Variants in CACNA2D2 observed in about 807,000 individuals in gnomAD.
The protein encoded by CACNA2D2 is voltage-dependent calcium channel subunit alpha-2/delta-2.
CACNA2D2 carries 48 observed loss-of-function variants against 166.4 expected under a neutral mutation model. That is an observed-to-expected ratio of 0.29 (90% CI 0.23 to 0.37). The LOEUF (loss-of-function observed/expected upper bound fraction) is 0.37. Among genes scored for constraint, CACNA2D2 ranks in the 10% least tolerant of loss-of-function variants. The probability of loss-of-function intolerance (pLI) is 1.00; values close to 1 mark genes in which losing one functional copy is unlikely to be tolerated. For synonymous variants in CACNA2D2, 561 were observed against 573.7 expected (o/e 0.98, Z 0.32); for missense variants, 1,122 against 1,433.0 (o/e 0.78, Z 3.50).
intron 3 of CACNA2D2, among the ~76,000 whole-genome samples, chr3:50,397,619 C>T (rs1043849645): frequency 1.1e-4 from 17 of 152,216 alleles, no homozygotes; most frequent in African/African-American, 4.1e-4. Flanking sequence ...GTAACTGCAC[C>T]CACTCAGGGT....
intron 22 of CACNA2D2, among the ~76,000 whole-genome samples, chr3:50,373,646 G>A (rs1443849130): frequency 1.6e-5 from 2 of 124,270 alleles, no homozygotes; most frequent in Non-Finnish European, 3.5e-5. Context: ...TGGGGAGAGC[G>A]GGAGGGAGGG....
Position 50,375,645 on chromosome 3 carries a change from T to C in CACNA2D2, c.1906A>G (p.Ser636Gly). Residue 636 changes from serine to glycine, a missense_variant and splice_region_variant, in exon 21 of 38, where the codon AGC (serine) becomes GGC (glycine). Transcript: ENST00000424201. This position sits in a 1 kb window ranked among gnomAD's most constrained non-coding sequence, Gnocchi z 4.0. ...TWVPIRSTNY[S>G]LGLVLPPYST... ...CCGCCCAGCCCTGGCCTCACTTACCTGTAGTTAGTGCTCCTTATAGGCACC... is the reference window on the plus strand; with the variant it reads ...CCGCCCAGCCCTGGCCTCACTTACCCGTAGTTAGTGCTCCTTATAGGCACC... The C allele has an allele frequency of 6.3e-7, 1 of 1,597,712 alleles. No homozygotes were observed. Among genetic ancestry groups the C allele is most frequent in the Non-Finnish European group, 8.6e-7 (1 of 1,169,250 alleles).
chr3:50,462,228 C>T (rs1389510444), intron 2 of CACNA2D2, among the ~76,000 whole-genome samples: 1 of 151,746 alleles, frequency 6.6e-6, no homozygotes, highest in Non-Finnish European at 1.5e-5. Flanking sequence ...ATCTCTACTA[C>T]AAATACAAAA....
intron 1 of CACNA2D2, among the ~76,000 whole-genome samples, chr3:50,478,754 T>C (rs62260819): frequency 6.6e-6 from 1 of 152,222 alleles, no homozygotes; most frequent in South Asian, 2.1e-4. Context: ...TCACAAAAGC[T>C]GATTCTGTGC....
intron 2 of CACNA2D2, among the ~76,000 whole-genome samples, chr3:50,445,296 G>C (rs958200985): frequency 6.6e-6 from 1 of 152,216 alleles, no homozygotes; most frequent in Non-Finnish European, 1.5e-5. Context: ...CTCTGAACCA[G>C]GGTCCCAGGA....
chr3:50,371,808 G>C (rs1704668610), intron 22 of CACNA2D2, among the ~76,000 whole-genome samples: 1 of 152,086 alleles, frequency 6.6e-6, no homozygotes. Flanking sequence ...AAGGAGCAGG[G>C]AAGGAGACTA....
intron 1 of CACNA2D2, among the ~76,000 whole-genome samples, chr3:50,497,614 G>A (rs1698776518): frequency 6.6e-6 from 1 of 152,180 alleles, no homozygotes; most frequent in Non-Finnish European, 1.5e-5. Context: ...GGCAGGGCAG[G>A]GCTTGGCTGA....
intron 4 of CACNA2D2, among the ~76,000 whole-genome samples, chr3:50,390,798 AC>A (rs1705850310): frequency 6.6e-6 from 1 of 152,160 alleles, no homozygotes; most frequent in African/African-American, 2.4e-5. Flanking sequence ...GTCTCAGGGA[AC>A]AAGCTGAGGA....
chr3:50,366,031 C>T lies in CACNA2D2; in HGVS notation c.2842G>A (p.Ala948Thr). ...APQPPGNLGA[A>T]PRGVFVPTVA... ...CTCACCACAAAGACACCCCGGGGTG[C>T]AGCACCCAGGTTGCCAGGGGGCTGA... is the stretch of plus-strand genomic sequence containing the variant. The change falls in exon 32 of 38, where the codon GCA becomes ACA. Residue 948 changes from alanine to threonine, a missense_variant. Ala to Thr is a moderately conservative substitution (Grantham distance 58). Coordinates refer to ENST00000424201, the MANE Select transcript of CACNA2D2 (RefSeq NM_006030.4). The surrounding 1 kb of genome is among the most constrained non-coding windows in gnomAD (Gnocchi z 5.9). 6.2e-7 allele frequency: 1 copy of T among 1,612,868 alleles called. No individual in the cohort carries two copies. The highest frequency in any genetic ancestry group is 8.5e-7 in the Non-Finnish European group (1 of 1,179,672).
chr3:50,375,786 G>A lies in CACNA2D2; in HGVS notation c.1845+23C>T. 6.2e-7 allele frequency: 1 copy of A among 1,612,848 alleles called. No homozygotes were observed. Among genetic ancestry groups the A allele is most frequent in the East Asian group, 2.2e-5 (1 of 44,878 alleles). On this transcript the variant is annotated intron_variant, in intron 20 of 37. Coordinates refer to ENST00000424201, the MANE Select transcript of CACNA2D2 (RefSeq NM_006030.4). This position sits in a 1 kb window ranked among gnomAD's most constrained non-coding sequence, Gnocchi z 4.0. Reference sequence around the variant, plus strand: ...AGAAGGGTGCCCACCCTGACTCCCTGGCCCCCAGCCCTGCCTCCTTACCTC... The same window carrying A: ...AGAAGGGTGCCCACCCTGACTCCCTAGCCCCCAGCCCTGCCTCCTTACCTC...
At chr3:50,434,245 A>G (rs1220589366) in intron 3 of CACNA2D2, 68 bp downstream of exon 3, 1 of 1,081,244 alleles carries the variant, frequency 9.2e-7, no homozygotes, top group East Asian at 2.4e-5. Flanking sequence ...CACTGCCCTC[A>G]TGGTACAGGA....
Position 50,406,452 on chromosome 3 carries a change from T to C in CACNA2D2, c.406-12284A>G, listed in dbSNP as rs1706715831. 2.6e-5 allele frequency among the ~76,000 whole-genome samples: 4 copies of C among 151,102 alleles called. No individual in the cohort carries two copies. In the South Asian group the frequency reaches 8.4e-4, roughly 32 times the overall value. ...TCCACAGGGAGCCCCCCATCAGCCC[T>C]ATCACCCCCATCACCCACCATCAAT... On this transcript the variant is annotated intron_variant, in intron 3 of 37. Coordinates refer to ENST00000424201, the MANE Select transcript of CACNA2D2 (RefSeq NM_006030.4).
At chr3:50,384,119 G>T in intron 6 of CACNA2D2, 77 bp downstream of exon 6, 2 of 1,568,492 alleles carry the variant, frequency 1.3e-6, no homozygotes, top group South Asian at 2.3e-5. Flanking sequence ...TGTCCCCAGG[G>T]ACTCTGGAAT....
intron 3 of CACNA2D2, among the ~76,000 whole-genome samples, chr3:50,412,890 G>T (rs1358054182): frequency 6.6e-6 from 1 of 152,224 alleles, no homozygotes; most frequent in Non-Finnish European, 1.5e-5. Context: ...CACCATCTCA[G>T]CCTGGGGGGG....
At chr3:50,447,909 C>T (rs1575701395) in intron 2 of CACNA2D2, among the ~76,000 whole-genome samples, 1 of 152,244 alleles carries the variant, frequency 6.6e-6, no homozygotes, top group African/African-American at 2.4e-5. Flanking sequence ...CTTCTAAGTG[C>T]CCCACAGAGG....
At position 50,376,317 on chromosome 3, in the gene CACNA2D2, C is replaced by T; in HGVS notation, c.1627-129G>A. Reference sequence around the variant, plus strand: ...GTTTGCCTGCCTTGGGCTAAGGGCCCCCCCATGCCACGTGGCCCTAAGCCT... The same window carrying T: ...GTTTGCCTGCCTTGGGCTAAGGGCCTCCCCATGCCACGTGGCCCTAAGCCT... On this transcript the variant is annotated intron_variant, in intron 17 of 37. Coordinates refer to ENST00000424201, the MANE Select transcript of CACNA2D2 (RefSeq NM_006030.4). The surrounding 1 kb of genome is among the most constrained non-coding windows in gnomAD (Gnocchi z 4.3). 1 of 982,008 alleles carries T rather than the reference C, an allele frequency of 1.0e-6. No individual in the cohort carries two copies. The highest frequency in any genetic ancestry group is 1.5e-5 in the South Asian group (1 of 65,926). The allele number at this position is 982,008 out of a possible 1,614,324, so 60.8% of individuals were successfully genotyped here.
chr3:50,401,151 C>T (rs1049666575), intron 3 of CACNA2D2, among the ~76,000 whole-genome samples: 9 of 152,230 alleles, frequency 5.9e-5, no homozygotes, highest in African/African-American at 1.2e-4. Context: ...CAGGGGAAGG[C>T]TGGCATGGGA....
intron 4 of CACNA2D2, 79 bp from the exon 5 acceptor site, chr3:50,387,691 T>C (rs765384267): frequency 3.0e-5 from 34 of 1,115,076 alleles, no homozygotes; most frequent in Non-Finnish European, 4.1e-5. Context: ...AAGGCCTGCA[T>C]GGCACCCTTA....
Position 50,379,316 on chromosome 3 carries a change from A to G in CACNA2D2, c.1152+116T>C. The G allele has an allele frequency of 2.1e-6, 3 of 1,450,966 alleles. No individual in the cohort carries two copies. Among genetic ancestry groups the G allele is most frequent in the Non-Finnish European group, 2.9e-6 (3 of 1,045,718 alleles). 89.9% of individuals were successfully genotyped at this position (1,450,966 alleles called of 1,614,324 possible). ...CTCCTCCCCCACAGCAGATGGAGCT[A>G]TCTGTCCAAGCTGCCTGTTTGGTGC... On this transcript the variant is annotated intron_variant, in intron 11 of 37. Transcript: ENST00000424201. This position sits in a 1 kb window ranked among gnomAD's most constrained non-coding sequence, Gnocchi z 6.5.
Sources: gnomAD v4.1 joint callset for allele counts (sites outside exome capture counted in the v4.1 genomes callset) on GRCh38, gnomAD v4.1.1 for gene constraint, Gnocchi (gnomAD v3.1) non-coding constraint, MANE v1.5 for transcripts, NCBI Gene and HGNC (gene_info 2026-07-23, HGNC 2026-07-21) for gene names.